The following MED27 variants were observed in gnomAD, a reference collection of about 807,000 sequenced individuals.
MED27 encodes the protein mediator of RNA polymerase II transcription subunit 27.
A neutral mutation model predicts 38.2 loss-of-function variants in MED27; 30 were observed. That is an observed-to-expected ratio of 0.79 (90% confidence interval 0.59 to 1.07). The LOEUF (loss-of-function observed/expected upper bound fraction) is 1.07. Ranked by LOEUF, MED27 falls within the 50% of genes least tolerant of loss-of-function variation. MED27 has a pLI of 0.00. For synonymous variants in MED27, 122 were observed against 153.5 expected, an observed-to-expected ratio of 0.79 and a Z score of 1.52; for missense variants, 289 against 397.5, an observed-to-expected ratio of 0.73 and a Z score of 2.32.
chr9:131,891,329 G>A (rs554346459), intron 5 of MED27, among the ~76,000 whole-genome samples: 1 of 152,374 alleles, frequency 6.6e-6, no homozygotes, highest in South Asian at 2.1e-4. Flanking sequence ...AAGGAAGGCA[G>A]AGGCTGCGCC....
intron 3 of MED27, among the ~76,000 whole-genome samples, chr9:131,995,571 GC>G (rs1371942626): frequency 6.6e-6 from 1 of 152,154 alleles, no homozygotes; most frequent in African/African-American, 2.4e-5. Flanking sequence ...CTAAGGGTTT[GC>G]CCTTCTGACT....
intron 6 of MED27, 121 bp from the exon 7 acceptor site, chr9:131,863,261 A>C: frequency 1.3e-6 from 1 of 757,466 alleles, no homozygotes; most frequent in Admixed American, 2.5e-5. Context: ...AGGAAAGGGC[A>C]TCTAAAATAA....
At chr9:132,004,710 T>C (rs1239690050) in intron 3 of MED27, among the ~76,000 whole-genome samples, 1 of 152,222 alleles carries the variant, frequency 6.6e-6, no homozygotes, top group Admixed American at 6.5e-5. Flanking sequence ...AAATTCCACC[T>C]GGTTCCCGGC....
chr9:132,071,749 C>A (rs1423991102), intron 2 of MED27, among the ~76,000 whole-genome samples: 3 of 151,322 alleles, frequency 2.0e-5, no homozygotes, highest in East Asian at 3.9e-4. Context: ...CGTCCATGAA[C>A]GAGCACACAT....
chr9:132,071,628 C>T (rs1833940473), intron 2 of MED27, among the ~76,000 whole-genome samples: 1 of 151,136 alleles, frequency 6.6e-6, no homozygotes, highest in African/African-American at 2.4e-5. Flanking sequence ...ACAAGTAACC[C>T]ACACCTCATG....
intron 5 of MED27, among the ~76,000 whole-genome samples, chr9:131,893,589 A>G (rs1278245752): frequency 1.3e-5 from 2 of 152,150 alleles, no homozygotes; most frequent in African/African-American, 2.4e-5. Context: ...ACTTGGGGAA[A>G]AAAATCCATT....
At chr9:132,078,596 AC>A (rs1196758724) in intron 1 of MED27, among the ~76,000 whole-genome samples, 2 of 152,008 alleles carry the variant, frequency 1.3e-5, no homozygotes, top group African/African-American at 4.8e-5. Flanking sequence ...ACAAAAAGGC[AC>A]CCATCATTTG....
chr9:131,914,639 G>A (rs543355514), intron 4 of MED27, among the ~76,000 whole-genome samples: 33 of 152,338 alleles, frequency 2.2e-4, no homozygotes, highest in Admixed American at 2.0e-3. Context: ...GATGGGTCAC[G>A]TAGGGGCTTA....
chr9:131,979,832 T>TGGCTGGCTGGCA (rs1316614143), intron 3 of MED27, among the ~76,000 whole-genome samples: 1 of 346 alleles, frequency 2.9e-3, no homozygotes, highest in African/African-American at 4.2e-3. Flanking sequence ...GAAAACAAGA[T>TGGCTGGCTGGCA]GGCTGGCTGG....
chr9:132,002,159 C>T (rs917488417), intron 3 of MED27, among the ~76,000 whole-genome samples: 2 of 152,182 alleles, frequency 1.3e-5, no homozygotes, highest in African/African-American at 2.4e-5. Flanking sequence ...GAGCTCAGAG[C>T]GTAACTGAGG....
At chr9:131,950,498 G>A (rs1830974151) in intron 3 of MED27, among the ~76,000 whole-genome samples, 1 of 152,198 alleles carries the variant, frequency 6.6e-6, no homozygotes, top group African/African-American at 2.4e-5. Flanking sequence ...CCGCACACGT[G>A]TAGAACCATT....
intron 6 of MED27, among the ~76,000 whole-genome samples, chr9:131,880,203 TTTTC>T: frequency 6.6e-6 from 1 of 152,342 alleles, no homozygotes; most frequent in Non-Finnish European, 1.5e-5. Context: ...GGCTTTTTTT[TTTTC>T]TAACAAGATC....
chr9:131,917,376 A>AG lies in MED27; in HGVS notation c.573+22004dup, dbSNP rs1334192072. Among the ~76,000 whole-genome samples, 3 of 152,116 alleles carry AG rather than the reference A, an allele frequency of 2.0e-5. No homozygotes were observed. The highest frequency in any genetic ancestry group is 7.2e-5 in the African/African-American group (3 of 41,422). On this transcript the variant is annotated intron_variant, in intron 4 of 7. Transcript: ENST00000292035. This position sits in a 1 kb window ranked among gnomAD's most constrained non-coding sequence, Gnocchi z 4.6. The stretch of plus-strand genomic sequence containing the variant: ...ACCATGTACACCACCTATCCTAGAA[A>AG]GGGGGGGCTTTATCCTGCAAGCAAC...
At position 131,929,589 on chromosome 9, in the gene MED27, C is replaced by T. The variant is rs148594964; in HGVS notation, c.573+9792G>A. On this transcript the variant is annotated intron_variant, in intron 4 of 7. Transcript: ENST00000292035. ...TATGGACTTTTCACTGACTGAAGGG[C>T]CCCCGGACTTTCAGTGAACATTGGC... 6.1e-4 allele frequency among the ~76,000 whole-genome samples: 93 copies of T among 152,210 alleles called. No homozygotes were observed. In the East Asian group the frequency reaches 8.3e-3, roughly 14 times the overall value.
In MED27 at chr9:131,908,077, G is replaced by A. The variant is rs1210042386; in HGVS notation, c.574-14085C>T. Among the ~76,000 whole-genome samples, 193 of 151,858 alleles carry A rather than the reference G, an allele frequency of 1.3e-3. 1 individual carries two copies. The highest frequency in any genetic ancestry group is 4.5e-3 in the African/African-American group (186 of 41,386). ...CTCCGCCCGGCAGCCACCCGGTCTG[G>A]GAAGTGAGGAGCGTCTCCGCCCGGC... is the stretch of plus-strand genomic sequence containing the variant. On this transcript the variant is annotated intron_variant, in intron 4 of 7. Coordinates refer to ENST00000292035, the MANE Select transcript of MED27 (RefSeq NM_004269.4).
intron 4 of MED27, among the ~76,000 whole-genome samples, chr9:131,921,090 T>C (rs1411586285): frequency 1.3e-5 from 2 of 152,176 alleles, no homozygotes; most frequent in South Asian, 2.1e-4. Context: ...TCATCCAATG[T>C]GGATATCTAA....
At chr9:131,977,154 T>C (rs534035995) in intron 3 of MED27, among the ~76,000 whole-genome samples, 7 of 152,292 alleles carry the variant, frequency 4.6e-5, no homozygotes, top group African/African-American at 1.7e-4. Context: ...TATTCAAAAG[T>C]TGCTTCTTCA....
At chr9:131,927,411 G>C (rs1172470616) in intron 4 of MED27, among the ~76,000 whole-genome samples, 1 of 152,232 alleles carries the variant, frequency 6.6e-6, no homozygotes, top group Non-Finnish European at 1.5e-5. Flanking sequence ...TCTCCCCTGA[G>C]TAGCCAAAGA....
intron 4 of MED27, among the ~76,000 whole-genome samples, chr9:131,897,757 C>A (rs1829858877): frequency 6.6e-6 from 1 of 152,140 alleles, no homozygotes; most frequent in African/African-American, 2.4e-5. Context: ...TTTAAATCTT[C>A]CATAATAAGA....
Sources: gnomAD v4.1 joint callset for allele counts (sites outside exome capture counted in the v4.1 genomes callset) on GRCh38, gnomAD v4.1.1 for gene constraint, Gnocchi (gnomAD v3.1) non-coding constraint, MANE v1.5 for transcripts, NCBI Gene and HGNC (gene_info 2026-07-23, HGNC 2026-07-21) for gene names.